BAZ2A: variants seen among roughly 807,000 people sequenced by gnomAD.
BAZ2A encodes bromodomain adjacent to zinc finger domain protein 2A.
BAZ2A carries 34 observed loss-of-function variants against 199.9 expected under a neutral mutation model. The ratio of observed to expected loss-of-function variants is 0.17; its 90% CI spans 0.13 to 0.23. BAZ2A has a LOEUF of 0.23. BAZ2A is among the 10% of genes least tolerant of loss of function. The pLI is 1.00. For synonymous variants in BAZ2A, 857 were observed against 883.9 expected, an observed-to-expected ratio of 0.97 and a Z score of 0.54; for missense variants, 2,002 against 2,391.1, an observed-to-expected ratio of 0.84 and a Z score of 3.39.
chr12:56,601,729 G>A lies in BAZ2A; in HGVS notation c.3888C>T (p.Asp1296=), dbSNP rs759505121. ...LTPDSSPGKL[D]PAPSQPPEEP... ...CCTCCGGGGGTTGTGATGGAGCTGG[G>A]TCTAGTTTTCCCGGACTGCTATCAG... Residue 1296 remains aspartate (D), a synonymous_variant, in exon 20 of 29, where the codon GAC becomes GAT. Transcript: ENST00000549884. 2 of 1,613,974 alleles carry A rather than the reference G, an allele frequency of 1.2e-6. No individual in the cohort carries two copies. The highest frequency in any genetic ancestry group is 1.7e-6 in the Non-Finnish European group (2 of 1,179,892).
At chr12:56,614,192 ACT>A (rs1950644728) in intron 3 of BAZ2A, 54 bp from the exon 4 acceptor site, 1 of 1,528,516 alleles carries the variant, frequency 6.5e-7, no homozygotes, top group African/African-American at 1.4e-5. Context: ...ATATTGGTTC[ACT>A]TAGCTATACT....
chr12:56,610,185 G>A lies in BAZ2A; in HGVS notation c.1810C>T (p.Arg604Cys), dbSNP rs758053039. 5.0e-6 allele frequency: 8 copies of A among 1,613,774 alleles called. No homozygotes were observed. The highest frequency in any genetic ancestry group is 1.1e-5 in the South Asian group (1 of 91,078). Residue 604 changes from arginine to cysteine, a missense_variant, in exon 9 of 29, where the codon CGC (arginine) becomes TGC (cysteine). Coordinates refer to ENST00000549884, the MANE Select transcript of BAZ2A (RefSeq NM_001300905.2). ...GGACTGAAGCTGAAGTGCTCTCGGC[G>A]GACACTGTGTACCACGTTGCGGCTC... The part of the protein sequence containing the change: ...YLSRNVVHSV[R>C]REHFSFSPRM...
chr12:56,600,503 G>C lies in BAZ2A; in HGVS notation c.4603-13C>G, dbSNP rs762881442. 11 of 1,608,292 alleles carry C rather than the reference G, an allele frequency of 6.8e-6. No homozygotes were observed. Among genetic ancestry groups the C allele is most frequent in the Non-Finnish European group, 9.3e-6 (11 of 1,176,990 alleles). On this transcript the variant is annotated splice_polypyrimidine_tract_variant and intron_variant, in intron 23 of 28. Coordinates refer to ENST00000549884, the MANE Select transcript of BAZ2A (RefSeq NM_001300905.2). ...GACATGTCCAGCCCTTCAGTTAAGA[G>C]AGAGGAATAAAACTCACTGTAAAAG... is the stretch of plus-strand genomic sequence containing the variant.
At chr12:56,625,830 C>T (rs1487968392) in intron 1 of BAZ2A, among the ~76,000 whole-genome samples, 5 of 144,340 alleles carry the variant, frequency 3.5e-5, no homozygotes, top group South Asian at 2.2e-4. Context: ...GAGTCGAGAT[C>T]GCGCCACTGC....
chr12:56,614,291 A>C (rs1440715566), intron 3 of BAZ2A, 153 bp from the exon 4 acceptor site: 2 of 732,386 alleles, frequency 2.7e-6, no homozygotes, highest in Non-Finnish European at 4.4e-6. Context: ...ACATCAAGAT[A>C]CTCTGAGCAG....
At position 56,604,979 on chromosome 12, in the gene BAZ2A, A is replaced by G; in HGVS notation, c.2748+94T>C. The G allele has an allele frequency of 2.0e-6, 3 of 1,481,872 alleles. No homozygotes were observed. In the South Asian group the frequency reaches 4.3e-5, roughly 21 times the overall value. 91.8% of individuals were successfully genotyped at this position (1,481,872 alleles called of 1,614,324 possible). ...TAAAATAAGGAGAGGAGTCAGGAAG[A>G]AAAAGAAATGGAAAAATATAAGGAA... On this transcript the variant is annotated intron_variant, in intron 14 of 28. Transcript: ENST00000549884.
Position 56,614,761 on chromosome 12 carries a change from G to A in BAZ2A, c.730+253C>T, listed in dbSNP as rs150378552. Among the ~76,000 whole-genome samples the A allele has an allele frequency of 4.7e-4, 71 of 152,194 alleles. 1 individual carries two copies. The East Asian group carries it at 0.012, about 25-fold the overall frequency. ...GCAGGGTGTCTGTTGGGGCTGTTTCGGGCTCGCCCACCTGCCCTCTCCAGG... is the reference window on the plus strand; with the variant it reads ...GCAGGGTGTCTGTTGGGGCTGTTTCAGGCTCGCCCACCTGCCCTCTCCAGG... On this transcript the variant is annotated intron_variant, in intron 3 of 28. Coordinates refer to ENST00000549884, the MANE Select transcript of BAZ2A (RefSeq NM_001300905.2).
chr12:56,604,347 C>A, intron 15 of BAZ2A, 56 bp from the exon 16 acceptor site: 3 of 1,523,932 alleles, frequency 2.0e-6, no homozygotes, highest in Non-Finnish European at 2.7e-6. Flanking sequence ...GGAAAGGAGG[C>A]TCAAGGGTAA....
upstream of BAZ2A, among the ~76,000 whole-genome samples, chr12:56,637,770 CAAAAA>C (rs537402652): frequency 8.1e-6 from 1 of 123,220 alleles, no homozygotes; most frequent in Non-Finnish European, 1.9e-5. Flanking sequence ...GAATAGAGGC[CAAAAA>C]AAAAAAAAAA....
chr12:56,601,388 A>C lies in BAZ2A; in HGVS notation c.4086T>G (p.Ser1362Arg), dbSNP rs2136760406. The change falls in exon 21 of 29, where the codon AGT becomes AGG. Residue 1362 changes from serine (S) to arginine (R), a missense_variant. Around this residue, in one of 6 missense-constraint regions of BAZ2A, gnomAD observed 1,081 missense variants for 1,274.7 expected, o/e 0.85. Transcript: ENST00000549884. ...LASSKPMNRP[S>R]AANPCSPVQF... ...GCACTGGAGAACAAGGGTTGGCAGCACTAGGTCTATTCATCTGTGAATAAA... is the reference window on the plus strand; with the variant it reads ...GCACTGGAGAACAAGGGTTGGCAGCCCTAGGTCTATTCATCTGTGAATAAA... The C allele has an allele frequency of 1.2e-6, 2 of 1,613,558 alleles. No homozygotes were observed. Among genetic ancestry groups the C allele is most frequent in the South Asian group, 2.2e-5 (2 of 91,046 alleles).
At position 56,597,983 on chromosome 12, in the gene BAZ2A, A is replaced by G. The variant is rs1320709470; in HGVS notation, c.*635T>C. On this transcript the variant is annotated 3_prime_UTR_variant, in exon 29 of 29. Coordinates refer to ENST00000549884, the MANE Select transcript of BAZ2A (RefSeq NM_001300905.2). ...GAAGGGAAAAGATTTGGGAGAAGAGAAAAGGAGGGAGGAACCCGTACACGA... is the reference window on the plus strand; with the variant it reads ...GAAGGGAAAAGATTTGGGAGAAGAGGAAAGGAGGGAGGAACCCGTACACGA... The G allele has an allele frequency of 6.6e-6, 1 of 152,466 alleles. No individual in the cohort carries two copies. Among genetic ancestry groups the G allele is most frequent in the African/African-American group, 2.4e-5 (1 of 41,350 alleles). 9.4% of individuals were successfully genotyped at this position (152,466 alleles called of 1,614,324 possible).
chr12:56,620,597 T>C (rs544217712), intron 1 of BAZ2A, among the ~76,000 whole-genome samples: 2 of 149,016 alleles, frequency 1.3e-5, no homozygotes, highest in Non-Finnish European at 2.9e-5. Context: ...TTCCCTCTTG[T>C]TGCCCATGCT....
chr12:56,634,044 T>G (rs1951383732), upstream of BAZ2A, among the ~76,000 whole-genome samples: 1 of 152,132 alleles, frequency 6.6e-6, no homozygotes, highest in African/African-American at 2.4e-5. Flanking sequence ...CTTCTCCCCT[T>G]TAAGTCGACA....
Position 56,606,300 on chromosome 12 carries a change from G to T in BAZ2A, c.2206C>A (p.Arg736=). ...TTIQGQARNK[R]KQETKSLKQK... is the part of the protein sequence containing the mutation. ...TTTAAGCTCTTGGTCTCTTGTTTCC[G>T]CTTATTTCTGGCCTGTAAACCATAA... Residue 736 remains arginine, a synonymous_variant, in exon 12 of 29, where the codon CGG becomes AGG. Transcript: ENST00000549884. 1 of 1,613,810 alleles carries T rather than the reference G, an allele frequency of 6.2e-7. No individual in the cohort carries two copies. The highest frequency in any genetic ancestry group is 8.5e-7 in the Non-Finnish European group (1 of 1,179,870).
At chr12:56,607,713 GCCA>G (rs990121766) in intron 10 of BAZ2A, among the ~76,000 whole-genome samples, 2 of 152,118 alleles carry the variant, frequency 1.3e-5, no homozygotes, top group African/African-American at 2.4e-5. Context: ...GTATAGAAAC[GCCA>G]CCACATGTCT....
rs139744050 is a variant in BAZ2A, at chr12:56,612,150, G to C, written c.1232C>G (p.Pro411Arg). 2.0e-4 allele frequency: 324 copies of C among 1,613,980 alleles called. 2 individuals carry two copies. In the African/African-American group the frequency reaches 4.0e-3, roughly 20 times the overall value. ...TAGCTGAATAGTGGATGACTGATCA[G>C]GAGCTGGCTGGGTCAGGGATGGTGG... ...DFPPSLTQPA[P>R]DQSSTIQLHP... Residue 411 changes from proline (P) to arginine (R), a missense_variant, in exon 6 of 29, where the codon CCT becomes CGT. This residue lies in a region of BAZ2A where 641 missense variants were observed against 694.5 expected (regional missense o/e 0.92). Transcript: ENST00000549884.
intron 1 of BAZ2A, 156 bp downstream of exon 1, chr12:56,629,969 T>C: frequency 2.0e-6 from 1 of 501,908 alleles, no homozygotes; most frequent in African/African-American, 2.1e-5. Flanking sequence ...AAGGAGACCC[T>C]CGCCTCGGGT....
chr12:56,605,290 A>G lies in BAZ2A; in HGVS notation c.2531T>C (p.Leu844Ser), dbSNP rs373902156. ...PDFSRVPGLT[L>S]PSGAFSDCLT... ...GCAGTCTGAGAAGGCTCCACTGGGC[A>G]ATGTCAGACCAGGGACTCGTGAGAA... Residue 844 changes from leucine to serine, a missense_variant, in exon 14 of 29, where the codon TTG becomes TCG. Transcript: ENST00000549884. 9 of 1,613,504 alleles carry G rather than the reference A, an allele frequency of 5.6e-6. No individual in the cohort carries two copies. Among genetic ancestry groups the G allele is most frequent in the African/African-American group, 4.0e-5 (3 of 74,932 alleles).
At chr12:56,628,288 C>A (rs534830033) in intron 1 of BAZ2A, among the ~76,000 whole-genome samples, 1 of 151,422 alleles carries the variant, frequency 6.6e-6, no homozygotes, top group East Asian at 1.9e-4. Flanking sequence ...ATCCAGTGTG[C>A]CACAAAATGC....
Sources: gnomAD v4.1 joint callset for allele counts (sites outside exome capture counted in the v4.1 genomes callset) on GRCh38, gnomAD v4.1.1 for gene constraint, gnomAD v4.1.1 regional missense constraint, MANE v1.5 for transcripts, NCBI Gene and HGNC (gene_info 2026-07-23, HGNC 2026-07-21) for gene names.